CADPS: variants seen among roughly 807,000 people sequenced by gnomAD.
CADPS encodes calcium-dependent secretion activator 1.
CADPS carries 57 observed loss-of-function variants against 167.3 expected under a neutral mutation model. That is an observed-to-expected ratio of 0.34 (90% CI 0.28 to 0.42). The LOEUF (loss-of-function observed/expected upper bound fraction) is 0.42, where lower values mean the gene tolerates loss of function less well. Among genes scored for constraint, CADPS ranks in the 20% least tolerant of loss-of-function variants. CADPS has a pLI of 1.00. For missense variants in CADPS, 1,414 were observed against 1,738.1 expected (o/e 0.81, Z 3.32); for synonymous variants, 676 against 635.3 (o/e 1.06, Z -0.96).
chr3:62,657,224 G>C (rs976133335), intron 4 of CADPS, among the ~76,000 whole-genome samples: 4 of 152,146 alleles, frequency 2.6e-5, no homozygotes, highest in African/African-American at 7.2e-5. Context: ...ATTTGCAATA[G>C]GGCCAGGATA....
chr3:62,706,070 G>A (rs571691068), intron 3 of CADPS, among the ~76,000 whole-genome samples: 26 of 152,132 alleles, frequency 1.7e-4, no homozygotes, highest in East Asian at 5.8e-4. Flanking sequence ...TGCCACCCTC[G>A]GGGTTACATG....
intron 3 of CADPS, among the ~76,000 whole-genome samples, chr3:62,734,711 TGATA>T (rs940972421): frequency 3.3e-4 from 51 of 152,330 alleles, no homozygotes; most frequent in African/African-American, 1.2e-3. Context: ...ATTCTACTAC[TGATA>T]GATATTTAGT....
chr3:62,493,571 G>T, intron 19 of CADPS, 74 bp downstream of exon 19: 2 of 1,112,646 alleles, frequency 1.8e-6, no homozygotes, highest in Non-Finnish European at 2.7e-6. Flanking sequence ...GTTATTAGAG[G>T]GATATTCTAA....
chr3:62,624,557 A>C (rs2063709180), intron 6 of CADPS, among the ~76,000 whole-genome samples: 1 of 152,202 alleles, frequency 6.6e-6, no homozygotes, highest in African/African-American at 2.4e-5. Context: ...GGAAAAAAAA[A>C]AATCTCTGGT....
At chr3:62,664,854 C>T (rs1229576510) in intron 3 of CADPS, among the ~76,000 whole-genome samples, 2 of 152,176 alleles carry the variant, frequency 1.3e-5, no homozygotes, top group Non-Finnish European at 2.9e-5. Context: ...CTGGAAACAG[C>T]AGAAAATGCT....
chr3:62,580,405 G>A (rs1389267131), intron 8 of CADPS, among the ~76,000 whole-genome samples: 1 of 152,052 alleles, frequency 6.6e-6, no homozygotes, highest in Non-Finnish European at 1.5e-5. Flanking sequence ...ATGGACACAG[G>A]AAAGGGAACA....
chr3:62,741,574 C>A (rs947132350), intron 3 of CADPS, among the ~76,000 whole-genome samples: 1 of 152,142 alleles, frequency 6.6e-6, no homozygotes, highest in African/African-American at 2.4e-5. Flanking sequence ...AATCCAACAT[C>A]CATTCATGTT....
At chr3:62,760,684 T>C (rs1472673498) in intron 2 of CADPS, among the ~76,000 whole-genome samples, 1 of 152,230 alleles carries the variant, frequency 6.6e-6, no homozygotes, top group Non-Finnish European at 1.5e-5. Flanking sequence ...CTGTTTATCA[T>C]GGTATCTCAG....
At chr3:62,740,335 C>A (rs1452956855) in intron 3 of CADPS, among the ~76,000 whole-genome samples, 1 of 152,184 alleles carries the variant, frequency 6.6e-6, no homozygotes, top group Non-Finnish European at 1.5e-5. Context: ...ACGGCCCACT[C>A]ACAAAGCAAG....
intron 3 of CADPS, among the ~76,000 whole-genome samples, chr3:62,663,734 A>G (rs1037873198): frequency 6.6e-6 from 1 of 152,128 alleles, no homozygotes; most frequent in African/African-American, 2.4e-5. Context: ...GAAGCATCAC[A>G]ATTAACCTTC....
intron 4 of CADPS, among the ~76,000 whole-genome samples, chr3:62,655,889 G>A (rs946098869): frequency 6.6e-6 from 1 of 152,064 alleles, no homozygotes; most frequent in African/African-American, 2.4e-5. Flanking sequence ...TGATGGTATG[G>A]GGGGACATGC....
chr3:62,434,072 C>A lies in CADPS; in HGVS notation c.3777+4032G>T, dbSNP rs192807643. ...AGCAATAATTTTCAAGAAGGCTAAG[C>A]TTCCACTTGAGTCTCACAGCAGTCT... On this transcript the variant is annotated intron_variant, in intron 28 of 29. Coordinates refer to ENST00000383710, the MANE Select transcript of CADPS (RefSeq NM_003716.4). Among the ~76,000 whole-genome samples, 4 of 152,292 alleles carry A rather than the reference C, an allele frequency of 2.6e-5. No individual in the cohort carries two copies. The East Asian group carries it at 7.7e-4, about 29-fold the overall frequency.
intron 6 of CADPS, among the ~76,000 whole-genome samples, chr3:62,643,030 G>A (rs1332849264): frequency 6.6e-6 from 1 of 152,106 alleles, no homozygotes; most frequent in Non-Finnish European, 1.5e-5. Flanking sequence ...AGTGAACTGT[G>A]ACAAAGAAAA....
At chr3:62,821,585 TTCC>T (rs1295793888) in intron 1 of CADPS, among the ~76,000 whole-genome samples, 4 of 152,156 alleles carry the variant, frequency 2.6e-5, no homozygotes, top group Non-Finnish European at 5.9e-5. Flanking sequence ...CATGGCATTC[TTCC>T]TGTGTTTCTG....
chr3:62,777,935 C>T (rs1055760568), intron 1 of CADPS, among the ~76,000 whole-genome samples: 4 of 152,136 alleles, frequency 2.6e-5, no homozygotes, highest in African/African-American at 4.8e-5. Flanking sequence ...CAATATGAGC[C>T]GGCTGAATTG....
intron 28 of CADPS, among the ~76,000 whole-genome samples, chr3:62,430,343 T>A (rs547165144): frequency 3.3e-5 from 5 of 152,268 alleles, no homozygotes; most frequent in Admixed American, 3.3e-4. Flanking sequence ...GACATTTGAA[T>A]ACTATTCACT....
intron 1 of CADPS, among the ~76,000 whole-genome samples, chr3:62,843,492 G>GGGGTGTGTGTGTGT (rs535022785): frequency 6.7e-6 from 1 of 149,016 alleles, no homozygotes; most frequent in East Asian, 2.0e-4. Context: ...TGGCAGTTGG[G>GGGGTGTGTGTGTGT]GTGTGTGTGT....
At chr3:62,774,396 T>C (rs990477781) in intron 1 of CADPS, among the ~76,000 whole-genome samples, 1 of 152,170 alleles carries the variant, frequency 6.6e-6, no homozygotes, top group Admixed American at 6.5e-5. Flanking sequence ...TTCTGGCATG[T>C]GGTCAAATAA....
intron 28 of CADPS, among the ~76,000 whole-genome samples, chr3:62,416,705 AG>A (rs2050126595): frequency 6.6e-6 from 1 of 152,162 alleles, no homozygotes; most frequent in Non-Finnish European, 1.5e-5. Context: ...TCAGGTCTCC[AG>A]CTATGGTCTC....
Sources: gnomAD v4.1 joint callset for allele counts (sites outside exome capture counted in the v4.1 genomes callset) on GRCh38, gnomAD v4.1.1 for gene constraint, MANE v1.5 for transcripts, NCBI Gene and HGNC (gene_info 2026-07-23, HGNC 2026-07-21) for gene names.